CA5A: variants seen among roughly 807,000 people sequenced by gnomAD.
The protein encoded by CA5A is carbonic anhydrase 5A, mitochondrial.
Under a neutral mutation model 37.1 loss-of-function variants are expected in CA5A, and 28 were observed. The ratio of observed to expected loss-of-function variants is 0.75; its 90% CI spans 0.56 to 1.03. The LOEUF (loss-of-function observed/expected upper bound fraction) is 1.03. Among genes scored for constraint, CA5A ranks in the 50% least tolerant of loss-of-function variants. CA5A has a pLI of 0.00. For synonymous variants in CA5A, 171 were observed against 158.4 expected, an observed-to-expected ratio of 1.08 and a Z score of -0.60; for missense variants, 444 against 399.9, an observed-to-expected ratio of 1.11 and a Z score of -0.94.
chr16:87,881,671 A>G (rs2052392038), exon 5 of CA5A: 1 of 152,206 alleles, frequency 6.6e-6, no homozygotes, highest in African/African-American at 2.4e-5. Flanking sequence ...ATCTGGTCAC[A>G]GTGAGAGCCC....
At chr16:87,928,126 C>T (rs1468831577) in intron 1 of CA5A, among the ~76,000 whole-genome samples, 1 of 152,158 alleles carries the variant, frequency 6.6e-6, no homozygotes, top group Non-Finnish European at 1.5e-5. Context: ...CTCCTGTCCT[C>T]ACCTTCACAG....
intron 5 of CA5A, among the ~76,000 whole-genome samples, chr16:87,898,271 T>C (rs1224944571): frequency 6.6e-6 from 1 of 152,218 alleles, no homozygotes. Flanking sequence ...GCCCAGAAGC[T>C]GCAGGTGAGC....
At chr16:87,905,044 G>T in intron 2 of CA5A, 140 bp from the exon 3 acceptor site, 1 of 692,840 alleles carries the variant, frequency 1.4e-6, no homozygotes, top group Admixed American at 2.0e-5. Context: ...CAAGCCAAAG[G>T]TGGGCTCCGT....
At chr16:87,893,327 CCA>C in intron 5 of CA5A, 1 of 356,858 alleles carries the variant, frequency 2.8e-6, no homozygotes. Flanking sequence ...CGGGGTTTCA[CCA>C]TATTAGTCAG....
At chr16:87,920,690 T>C (rs1322965844) in intron 2 of CA5A, among the ~76,000 whole-genome samples, 9 of 151,696 alleles carry the variant, frequency 5.9e-5, no homozygotes, top group Admixed American at 3.9e-4. Context: ...TGATCTCGAC[T>C]CACTTACAAC....
chr16:87,896,846 G>C (rs1009351017), intron 5 of CA5A, among the ~76,000 whole-genome samples: 1 of 152,154 alleles, frequency 6.6e-6, no homozygotes, highest in Non-Finnish European at 1.5e-5. Flanking sequence ...CTCTATGTTG[G>C]TCAGGCTCGT....
In CA5A at chr16:87,893,046, G is replaced by T. The variant is rs988478302; in HGVS notation, c.619-1092C>A. ...AGACAAGAATGTGCCCAACCTTCAT[G>T]TCACGAAGGCCATGCAGTCTCTCAA... On this transcript the variant is annotated intron_variant, in intron 5 of 6. Coordinates refer to ENST00000649794, the MANE Select transcript of CA5A (RefSeq NM_001739.2). 9.1e-6 allele frequency: 11 copies of T among 1,214,466 alleles called. No individual in the cohort carries two copies. In the African/African-American group the frequency reaches 1.5e-4, roughly 17 times the overall value. 75.2% of individuals were successfully genotyped at this position (1,214,466 alleles called of 1,614,324 possible).
At chr16:87,923,425 T>G (rs912193143) in intron 2 of CA5A, 22 of 389,468 alleles carry the variant, frequency 5.6e-5, no homozygotes, top group Non-Finnish European at 5.6e-5. Flanking sequence ...TGACCTCAGG[T>G]GATCCACCCA....
chr16:87,932,316 G>A (rs986127813), intron 1 of CA5A, among the ~76,000 whole-genome samples: 3 of 152,186 alleles, frequency 2.0e-5, no homozygotes, highest in African/African-American at 7.2e-5. Flanking sequence ...TGCTCATCTA[G>A]ACCAGAGACG....
chr16:87,895,604 C>T (rs1160625596), intron 5 of CA5A, among the ~76,000 whole-genome samples: 1 of 152,128 alleles, frequency 6.6e-6, no homozygotes, highest in Admixed American at 6.6e-5. Context: ...GGGTACAGTT[C>T]TATGGTTTTG....
intron 2 of CA5A, among the ~76,000 whole-genome samples, chr16:87,909,972 T>C (rs865938124): frequency 1.3e-5 from 2 of 152,114 alleles, no homozygotes; most frequent in African/African-American, 4.8e-5. Flanking sequence ...AGTTTCCCCA[T>C]TTGTAAAGTG....
At position 87,931,615 on chromosome 16, in the gene CA5A, T is replaced by C. The variant is rs115981001; in HGVS notation, c.143-4670A>G. 8.4e-3 allele frequency among the ~76,000 whole-genome samples: 1,287 copies of C among 152,330 alleles called. 19 individuals carry two copies. The highest frequency in any genetic ancestry group is 0.029 in the African/African-American group (1,223 of 41,578). On this transcript the variant is annotated intron_variant, in intron 1 of 6. Coordinates refer to ENST00000649794, the MANE Select transcript of CA5A (RefSeq NM_001739.2). ...AGCTTTGCTGAGAAGATAAGCTCGC[T>C]GGCGCTGGGGAAGGCCTGGAGTGCC...
At chr16:87,905,104 C>T (rs8051837) in intron 2 of CA5A, among the ~76,000 whole-genome samples, 200 bp from the exon 3 acceptor site, 11,570 of 152,032 alleles carry the variant, frequency 0.076, 497 homozygotes, top group Middle Eastern at 0.15. Context: ...CCCAGCCCAG[C>T]GCCTGCCCAG....
intron 2 of CA5A, among the ~76,000 whole-genome samples, chr16:87,922,646 T>C (rs2056246940): frequency 6.6e-6 from 1 of 152,246 alleles, no homozygotes; most frequent in Admixed American, 6.5e-5. Context: ...CAGCCTCCGC[T>C]GGGCTTGAGC....
chr16:87,890,125 C>A (rs1435654501), intron 6 of CA5A, among the ~76,000 whole-genome samples: 1 of 152,230 alleles, frequency 6.6e-6, no homozygotes, highest in South Asian at 2.1e-4. Context: ...ATAAGGGGCT[C>A]CTGCCCTGCA....
At position 87,891,825 on chromosome 16, in the gene CA5A, CCTT is replaced by C; in HGVS notation, c.745_747del (p.Lys249del). 2 of 1,558,978 alleles carry C rather than the reference CCTT, an allele frequency of 1.3e-6. No individual in the cohort carries two copies. Among genetic ancestry groups the C allele is most frequent in the Non-Finnish European group, 1.7e-6 (2 of 1,157,134 alleles). ...TGGCTTGGGGCCACTTCAACGGGCT[CCTT>C]CTGGATGATCCAGGTGACCGACTCG... On this transcript the variant is annotated inframe_deletion, in exon 6 of 7. Transcript: ENST00000649794.
chr16:87,932,138 G>A (rs61184130), intron 1 of CA5A, among the ~76,000 whole-genome samples: 2 of 151,962 alleles, frequency 1.3e-5, no homozygotes, highest in East Asian at 1.9e-4. Flanking sequence ...CCCCTTTGAG[G>A]CCTCACAAAT....
chr16:87,934,676 G>T (rs577496456), intron 1 of CA5A, among the ~76,000 whole-genome samples: 2 of 151,754 alleles, frequency 1.3e-5, no homozygotes, highest in East Asian at 2.0e-4. Context: ...AATAAAAAAG[G>T]GGGGTGGGTG....
chr16:87,935,998 C>T (rs2056465683), intron 1 of CA5A, among the ~76,000 whole-genome samples: 3 of 151,998 alleles, frequency 2.0e-5, no homozygotes, highest in South Asian at 4.1e-4. Flanking sequence ...CAGTGAAACC[C>T]TGTCTCTACT....
Sources: gnomAD v4.1 joint callset for allele counts (sites outside exome capture counted in the v4.1 genomes callset) on GRCh38, gnomAD v4.1.1 for gene constraint, MANE v1.5 for transcripts, NCBI Gene and HGNC (gene_info 2026-07-23, HGNC 2026-07-21) for gene names.